C20orf204: variants seen among roughly 807,000 people sequenced by gnomAD.
The protein encoded by C20orf204 is uncharacterized protein C20orf204.
C20orf204 carries 6 observed loss-of-function variants against 3.6 expected under a neutral mutation model. The observed-to-expected ratio is 1.68, with a 90% confidence interval of 0.92 to 3.31. C20orf204 has a LOEUF of 3.31. Ranked by LOEUF, C20orf204 falls within the 30% of genes most tolerant of loss-of-function variation. The probability of loss-of-function intolerance (pLI) is 0.00; values close to 1 mark genes in which losing one functional copy is unlikely to be tolerated. For missense variants in C20orf204, 167 were observed against 89.7 expected, an observed-to-expected ratio of 1.86 and a Z score of -3.48; for synonymous variants, 80 against 41.4, an observed-to-expected ratio of 1.93 and a Z score of -3.58.
At chr20:64,037,724 A>G (rs968353879) in intron 1 of C20orf204, 3 of 397,826 alleles carry the variant, frequency 7.5e-6, no homozygotes, top group Non-Finnish European at 1.3e-5. Flanking sequence ...TTGCAGACCT[A>G]TCTCTTGTGT....
upstream of C20orf204, chr20:64,035,208 A>G (rs965085772): frequency 2.0e-5 from 3 of 152,198 alleles, no homozygotes; most frequent in African/African-American, 7.2e-5. Context: ...TAAAGAGTGC[A>G]TTTACACAAG....
upstream of C20orf204, among the ~76,000 whole-genome samples, chr20:64,033,901 T>G (rs1476188411): frequency 6.6e-6 from 1 of 152,186 alleles, no homozygotes; most frequent in Non-Finnish European, 1.5e-5. Flanking sequence ...GGTTCTCATC[T>G]CTAGGTTGAA....
chr20:64,035,073 C>T (rs1171369105), upstream of C20orf204: 10 of 152,268 alleles, frequency 6.6e-5, no homozygotes, highest in Non-Finnish European at 1.5e-5. Context: ...TGAGTGTCTC[C>T]TCTTTCTTGC....
At position 64,038,313 on chromosome 20, in the gene C20orf204, G is replaced by T; in HGVS notation, c.297G>T (p.Leu99=). 1 of 759,036 alleles carries T rather than the reference G, an allele frequency of 1.3e-6. No individual in the cohort carries two copies. 47.0% of individuals were successfully genotyped at this position (759,036 alleles called of 1,614,324 possible). Residue 99 remains leucine, a synonymous_variant, in exon 3 of 4, where the codon CTG becomes CTT. Transcript: ENST00000636176. ...CTCCCCAGGAGCACAGTATCCTCCT[G>T]TCCATCTCGTCCCTGGGTCGGACCC... ...CGAQKEHSIL[L]SISSLGRTLR...
intron 1 of C20orf204, 166 bp from the exon 2 acceptor site, chr20:64,037,761 G>C (rs1040108838): frequency 2.5e-6 from 1 of 401,822 alleles, no homozygotes; most frequent in South Asian, 1.2e-4. Flanking sequence ...CCAGGCCTGT[G>C]CCTACAGCCT....
upstream of C20orf204, chr20:64,036,136 G>A (rs1170956808): frequency 1.3e-5 from 2 of 152,462 alleles, no homozygotes; most frequent in Non-Finnish European, 2.9e-5. Context: ...CCCTCCCTCA[G>A]CTTGGAGGAG....
At position 64,038,218 on chromosome 20, in the gene C20orf204, C is replaced by T; in HGVS notation, c.279+16C>T. 1 of 717,700 alleles carries T rather than the reference C, an allele frequency of 1.4e-6. No homozygotes were observed. The highest frequency in any genetic ancestry group is 2.7e-4 in the Middle Eastern group (1 of 3,706). 44.5% of individuals were successfully genotyped at this position (717,700 alleles called of 1,614,324 possible). On this transcript the variant is annotated intron_variant, in intron 2 of 3. Transcript: ENST00000636176. ...CGCCCAGAAGGTATGGAGGAGGCGCCCCTACCCAAGCTCGCCGGCCTGCTC... is the reference window on the plus strand; with the variant it reads ...CGCCCAGAAGGTATGGAGGAGGCGCTCCTACCCAAGCTCGCCGGCCTGCTC...
chr20:64,038,081 G>T lies in C20orf204; in HGVS notation c.158G>T (p.Gly53Val). The T allele has an allele frequency of 2.0e-6, 1 of 509,126 alleles. No individual in the cohort carries two copies. Among genetic ancestry groups the T allele is most frequent in the Non-Finnish European group, 3.5e-6 (1 of 286,172 alleles). The allele number at this position is 509,126 out of a possible 1,614,324, so 31.5% of individuals were successfully genotyped here. Residue 53 changes from glycine (G) to valine (V), a missense_variant, in exon 2 of 4, where the codon GGG becomes GTG. By Grantham distance (109) the Gly-to-Val change is moderately radical (BLOSUM62 -3). Coordinates refer to ENST00000636176, the MANE Select transcript of C20orf204 (RefSeq NM_001387010.1). ...EDLQAAVKWG[G>V]AGAEKTRPGS... ...CTGCAGGCCGCCGTGAAGTGGGGCG[G>T]GGCGGGGGCCGAAAAGACCAGGCCA...
upstream of C20orf204, among the ~76,000 whole-genome samples, chr20:64,033,988 C>T (rs1181124608): frequency 2.0e-5 from 3 of 152,216 alleles, no homozygotes; most frequent in African/African-American, 7.2e-5. Context: ...GGCCTGGGAT[C>T]ATGTGTGTGC....
chr20:64,036,675 C>G (rs996232499), intron 1 of C20orf204: 1 of 152,282 alleles, frequency 6.6e-6, no homozygotes, highest in East Asian at 1.9e-4. Flanking sequence ...CTGGCCTGCT[C>G]AGGAGTCAGG....
rs1369623879 is a variant in C20orf204, at chr20:64,038,333, G to C, written c.317G>C (p.Arg106Pro). 4 of 762,054 alleles carry C rather than the reference G, an allele frequency of 5.2e-6. No homozygotes were observed. Among genetic ancestry groups the C allele is most frequent in the Non-Finnish European group, 9.7e-6 (4 of 410,598 alleles). The allele number at this position is 762,054 out of a possible 1,614,324, so 47.2% of individuals were successfully genotyped here. A position where few individuals can be genotyped will look rare whatever the true frequency, so the allele number is the denominator to read the frequency against. The change falls in exon 3 of 4, where the codon CGG (arginine) becomes CCG (proline). Residue 106 changes from arginine to proline, a missense_variant. Transcript: ENST00000636176. ...SILLSISSLG[R>P]TLRGAVAGGR... ...CTCCTGTCCATCTCGTCCCTGGGTC[G>C]GACCCTGCGCGGGGCGGTGGCCGGG... is the stretch of plus-strand genomic sequence containing the variant.
In C20orf204 at chr20:64,036,300, G is replaced by C. The variant is rs541614188; in HGVS notation, c.-24G>C. Reference sequence around the variant, plus strand: ...TGCGTGGCCTGCTGGCGGGAGTGAGGGAGGGCAAGACCCTGAAAGGCCCAT... The same window carrying C: ...TGCGTGGCCTGCTGGCGGGAGTGAGCGAGGGCAAGACCCTGAAAGGCCCAT... On this transcript the variant is annotated 5_prime_UTR_variant, in exon 1 of 4. Transcript: ENST00000636176. 4.6e-5 allele frequency: 7 copies of C among 152,942 alleles called. No homozygotes were observed. The highest frequency in any genetic ancestry group is 1.7e-4 in the African/African-American group (7 of 41,544). 9.5% of individuals were successfully genotyped at this position (152,942 alleles called of 1,614,324 possible).
Position 64,038,696 on chromosome 20 carries a change from C to A in C20orf204, c.507C>A (p.Asp169Glu). The change falls in exon 4 of 4, where the codon GAC becomes GAA. Residue 169 changes from aspartate (D) to glutamate (E), a missense_variant. Coordinates refer to ENST00000636176, the MANE Select transcript of C20orf204 (RefSeq NM_001387010.1). ...GGCAGCTCCTGCTGCGCGCCCTGGA[C>A]GCCGTCGCCACCTGCTGGGAGAAGC... ...GRRQLLLRALDAVATCWEKLF... is the reference protein window; with the variant it reads ...GRRQLLLRALEAVATCWEKLF... 1.5e-6 allele frequency: 1 copy of A among 666,470 alleles called. No individual in the cohort carries two copies. Among genetic ancestry groups the A allele is most frequent in the Admixed American group, 2.2e-5 (1 of 45,136 alleles). 41.3% of individuals were successfully genotyped at this position (666,470 alleles called of 1,614,324 possible). A position where few individuals can be genotyped will look rare whatever the true frequency, so the allele number is the denominator to read the frequency against.
chr20:64,038,247 TCTCA>T (rs778027874), intron 2 of C20orf204, 45 bp downstream of exon 2: 2 of 742,062 alleles, frequency 2.7e-6, no homozygotes, highest in African/African-American at 3.5e-5. Context: ...CCTGCTCCTC[TCTCA>T]GTTTCCCCCC....
chr20:64,034,439 C>T (rs560841791), upstream of C20orf204: 2 of 152,398 alleles, frequency 1.3e-5, no homozygotes, highest in East Asian at 3.9e-4. Context: ...AGGACATGGT[C>T]AATCCCGGGC....
intron 1 of C20orf204, chr20:64,037,704 ACTGTCTGGTTTGCAGAC>A (rs1396326787): frequency 2.5e-6 from 1 of 396,012 alleles, no homozygotes; most frequent in Non-Finnish European, 4.4e-6. Context: ...GGAGCATAGA[ACTGTCTGGTTTGCAGAC>A]CTATCTCTTG....
At chr20:64,037,531 G>A (rs1233687353) in intron 1 of C20orf204, 5 of 178,208 alleles carry the variant, frequency 2.8e-5, no homozygotes, top group Non-Finnish European at 4.6e-5. Flanking sequence ...GCTCTGTGCG[G>A]TCCTGAGGGT....
At chr20:64,035,242 C>CT (rs2059333881), upstream of C20orf204, 1 of 151,624 alleles carries the variant, frequency 6.6e-6, no homozygotes, top group African/African-American at 2.4e-5. Flanking sequence ...GCCTCCTGCA[C>CT]CCCCAGGCTG....
At chr20:64,035,258 C>G (rs995547045), upstream of C20orf204, 6 of 152,240 alleles carry the variant, frequency 3.9e-5, no homozygotes, top group Admixed American at 3.9e-4. Context: ...GGCTGTGTGC[C>G]CGGGTGCCAG....
Sources: gnomAD v4.1 joint callset for allele counts (sites outside exome capture counted in the v4.1 genomes callset) on GRCh38, gnomAD v4.1.1 for gene constraint, MANE v1.5 for transcripts, NCBI Gene and HGNC (gene_info 2026-07-23, HGNC 2026-07-21) for gene names.